EML1: variants seen among roughly 807,000 people sequenced by gnomAD.
EML1 encodes EMAP like 1, also known as echinoderm microtubule-associated protein-like 1.
Under a neutral mutation model 110.4 loss-of-function variants are expected in EML1, and 27 were observed. The observed-to-expected ratio is 0.24, with a 90% CI of 0.18 to 0.34. The LOEUF is 0.34. Among genes scored for constraint, EML1 ranks in the 10% least tolerant of loss-of-function variants. The pLI, the probability that EML1 is intolerant of heterozygous loss-of-function variation, is 1.00. For missense variants in EML1, 741 were observed against 1,030.9 expected (o/e 0.72, Z 3.85); for synonymous variants, 344 against 385.8 (o/e 0.89, Z 1.27).
At chr14:99,767,878 G>A (rs1325269445) in intron 1 of EML1, among the ~76,000 whole-genome samples, 3 of 152,044 alleles carry the variant, frequency 2.0e-5, no homozygotes, top group Non-Finnish European at 4.4e-5. Context: ...TGAGCTTCAA[G>A]GAGACAGAGA....
chr14:99,746,417 T>C (rs2057108897), intron 1 of EML1, among the ~76,000 whole-genome samples: 1 of 152,164 alleles, frequency 6.6e-6, no homozygotes, highest in East Asian at 1.9e-4. Flanking sequence ...GGAGCCTGGA[T>C]GGAGGCTTGG....
chr14:99,930,234 G>A (rs2060342885), intron 17 of EML1, among the ~76,000 whole-genome samples: 2 of 152,254 alleles, frequency 1.3e-5, no homozygotes, highest in Admixed American at 1.3e-4. Flanking sequence ...TTTAGCAGCA[G>A]TTGAGAACTA....
At chr14:99,868,861 ATCT>A (rs973565354) in intron 3 of EML1, among the ~76,000 whole-genome samples, 7 of 151,880 alleles carry the variant, frequency 4.6e-5, no homozygotes, top group African/African-American at 1.7e-4. Context: ...TTTTGGTTTT[ATCT>A]TCTTCTTCTA....
chr14:99,904,783 T>C (rs77759135), intron 9 of EML1, among the ~76,000 whole-genome samples: 3,197 of 152,306 alleles, frequency 0.021, 105 homozygotes, highest in African/African-American at 0.071. Context: ...TCCAGTTTTT[T>C]TTCAGGAACC....
intron 1 of EML1, among the ~76,000 whole-genome samples, chr14:99,761,114 G>A (rs1379248859): frequency 1.3e-5 from 2 of 152,164 alleles, no homozygotes; most frequent in African/African-American, 2.4e-5. Context: ...TGGGAGGCAC[G>A]ATTTTTATTC....
At chr14:99,835,337 A>C (rs2058522492) in intron 1 of EML1, among the ~76,000 whole-genome samples, 1 of 152,004 alleles carries the variant, frequency 6.6e-6, no homozygotes, top group Non-Finnish European at 1.5e-5. Flanking sequence ...TCTGATATTG[A>C]TATTTTATGT....
At position 99,780,754 on chromosome 14, in the gene EML1, A is replaced by G. The variant is rs554882623; in HGVS notation, c.-27+6741A>G. Reference sequence around the variant, plus strand: ...GAGATGTTTACGTTCACAAATACTTACCATTGTATAATAGTTGCCTACGAT... The same window carrying G: ...GAGATGTTTACGTTCACAAATACTTGCCATTGTATAATAGTTGCCTACGAT... On this transcript the variant is annotated intron_variant, in intron 1 of 22. Transcript: ENST00000327921. Among the ~76,000 whole-genome samples, 11 of 152,248 alleles carry G rather than the reference A, an allele frequency of 7.2e-5. No homozygotes were observed. In the East Asian group the frequency reaches 1.4e-3, roughly 19 times the overall value.
chr14:99,772,562 A>G (rs1470938289), upstream of EML1, among the ~76,000 whole-genome samples: 1 of 152,206 alleles, frequency 6.6e-6, no homozygotes, highest in Non-Finnish European at 1.5e-5. Context: ...ACATTGCTCC[A>G]AAACCTGCCT....
In EML1 at chr14:99,920,855, C is replaced by G. The variant is rs184159944; in HGVS notation, c.1887C>G (p.Leu629=). 1.5e-5 allele frequency: 24 copies of G among 1,613,778 alleles called. No individual in the cohort carries two copies. The highest frequency in any genetic ancestry group is 1.9e-5 in the Non-Finnish European group (22 of 1,179,924). Residue 629 remains leucine (L), a synonymous_variant, in exon 17 of 22, where the codon CTC becomes CTG. Transcript: ENST00000262233. ...TTCACACAGATGGAAACGAACAGCTCTCTGTAATGCGATACTCACCAGGTT... is the reference window on the plus strand; with the variant it reads ...TTCACACAGATGGAAACGAACAGCTGTCTGTAATGCGATACTCACCAGGTT... The part of the protein sequence containing the change: ...VTVHTDGNEQ[L]SVMRYSPDGN...
At chr14:99,834,512 G>A (rs541438382) in intron 1 of EML1, among the ~76,000 whole-genome samples, 1 of 152,082 alleles carries the variant, frequency 6.6e-6, no homozygotes, top group Non-Finnish European at 1.5e-5. Flanking sequence ...ATATTGGTTA[G>A]GCTGGTCTCA....
At chr14:99,894,494 C>G in intron 5 of EML1, 135 bp from the exon 6 acceptor site, 1 of 1,088,678 alleles carries the variant, frequency 9.2e-7, no homozygotes, top group Non-Finnish European at 1.2e-6. Flanking sequence ...TTACTTTTTT[C>G]CCTAGGATAT....
At chr14:99,864,217 G>A (rs1050447375) in intron 2 of EML1, among the ~76,000 whole-genome samples, 1 of 152,132 alleles carries the variant, frequency 6.6e-6, no homozygotes, top group African/African-American at 2.4e-5. Context: ...AATTTGAAGA[G>A]TTCCTTTTAT....
chr14:99,768,717 C>A (rs1042256443), upstream of EML1, among the ~76,000 whole-genome samples: 1 of 135,760 alleles, frequency 7.4e-6, no homozygotes, highest in East Asian at 2.2e-4. Context: ...CTTCTGTGGT[C>A]TTTTTTTTTT....
rs552083845 is a variant in EML1 at position 99,747,759 on chromosome 14, G to T, written c.28+9899G>T. On this transcript the variant is annotated intron_variant, in intron 1 of 10. Coordinates refer to the EML1 transcript ENST00000554479. Reference sequence around the variant, plus strand: ...ACACCTGCCAGTCACTGGGAGGCCTGAGTGGAAGCCACCAAGCCCACCCCT... The same window carrying T: ...ACACCTGCCAGTCACTGGGAGGCCTTAGTGGAAGCCACCAAGCCCACCCCT... Among the ~76,000 whole-genome samples the T allele has an allele frequency of 1.4e-3, 216 of 152,268 alleles. 1 individual carries two copies. The highest frequency in any genetic ancestry group is 5.0e-3 in the African/African-American group (206 of 41,564).
intron 1 of EML1, among the ~76,000 whole-genome samples, chr14:99,777,794 AG>A (rs1001444174): frequency 1.3e-5 from 2 of 152,026 alleles, no homozygotes; most frequent in African/African-American, 4.8e-5. Flanking sequence ...TTTGTGGGGC[AG>A]TTTGTTTTGT....
chr14:99,776,710 C>T (rs17099036), intron 1 of EML1, among the ~76,000 whole-genome samples: 19,564 of 152,074 alleles, frequency 0.13, 1,490 homozygotes, highest in East Asian at 0.37. Context: ...TAATATTGGC[C>T]GTAAGTGAAT....
At chr14:99,867,908 G>C (rs1435374211) in intron 3 of EML1, among the ~76,000 whole-genome samples, 1 of 152,080 alleles carries the variant, frequency 6.6e-6, no homozygotes, top group Non-Finnish European at 1.5e-5. Context: ...AATTTTAGAG[G>C]AAAAGCTTTC....
intron 1 of EML1, among the ~76,000 whole-genome samples, chr14:99,837,064 T>C (rs900005410): frequency 1.3e-5 from 2 of 151,560 alleles, no homozygotes; most frequent in African/African-American, 4.8e-5. Flanking sequence ...TGATAAGTAC[T>C]CACCAGAAGA....
intron 1 of EML1, among the ~76,000 whole-genome samples, chr14:99,848,948 G>A (rs1331432938): frequency 7.4e-6 from 1 of 134,584 alleles, no homozygotes; most frequent in Admixed American, 7.5e-5. Context: ...GGGCAACGGA[G>A]TAAGACCCTG....
Sources: allele counts gnomAD v4.1 joint callset (sites outside exome capture counted in the v4.1 genomes callset), GRCh38; gene constraint gnomAD v4.1.1; transcripts MANE v1.5; gene names NCBI Gene and HGNC (gene_info 2026-07-23, HGNC 2026-07-21).